KCNQ5: variants seen among roughly 807,000 people sequenced by gnomAD.
KCNQ5 encodes potassium voltage-gated channel subfamily Q member 5.
In KCNQ5, 30 loss-of-function variants were observed where a neutral mutation model predicts 98.2. The observed-to-expected ratio is 0.31, with a 90% CI of 0.23 to 0.41. The LOEUF is 0.41. Among genes scored for constraint, KCNQ5 ranks in the 10% least tolerant of loss-of-function variants. The pLI is 1.00. For missense variants in KCNQ5, 835 were observed against 1,182.5 expected (o/e 0.71, Z 4.31); for synonymous variants, 458 against 449.4 (o/e 1.02, Z -0.24).
At chr6:72,893,176 G>A (rs905546644) in intron 1 of KCNQ5, among the ~76,000 whole-genome samples, 2 of 152,190 alleles carry the variant, frequency 1.3e-5, no homozygotes, top group Non-Finnish European at 2.9e-5. Flanking sequence ...AGGACTGCTG[G>A]CAAGCAGTGT....
chr6:72,677,395 T>C (rs532180032), intron 1 of KCNQ5, among the ~76,000 whole-genome samples: 2 of 152,300 alleles, frequency 1.3e-5, no homozygotes, highest in Non-Finnish European at 2.9e-5. Context: ...AAATAACTTT[T>C]TGCCCCAGGG....
At chr6:73,029,463 G>A (rs1285998198) in intron 2 of KCNQ5, among the ~76,000 whole-genome samples, 1 of 150,286 alleles carries the variant, frequency 6.7e-6, no homozygotes, top group Non-Finnish European at 1.5e-5. Context: ...CTTGGAAATT[G>A]CCCAGGTAGT....
chr6:72,752,029 T>A (rs1771710378), intron 1 of KCNQ5, among the ~76,000 whole-genome samples: 1 of 152,118 alleles, frequency 6.6e-6, no homozygotes, highest in South Asian at 2.1e-4. Flanking sequence ...TGGTTTTTGC[T>A]ATACTACCAT....
At chr6:72,719,585 C>G (rs1769838660) in intron 1 of KCNQ5, among the ~76,000 whole-genome samples, 1 of 152,224 alleles carries the variant, frequency 6.6e-6, no homozygotes, top group African/African-American at 2.4e-5. Context: ...CATAGCCTTG[C>G]ACTTTTAAAG....
chr6:73,117,339 T>C (rs1775546872), intron 7 of KCNQ5, among the ~76,000 whole-genome samples: 1 of 152,178 alleles, frequency 6.6e-6, no homozygotes, highest in Non-Finnish European at 1.5e-5. Context: ...TACTGTTAAC[T>C]AATATCAGCC....
At chr6:73,045,010 GAAATA>G (rs918044285) in intron 3 of KCNQ5, among the ~76,000 whole-genome samples, 1 of 152,172 alleles carries the variant, frequency 6.6e-6, no homozygotes, top group African/African-American at 2.4e-5. Flanking sequence ...TTTCCAGTTG[GAAATA>G]CACTGAAGCT....
intron 1 of KCNQ5, among the ~76,000 whole-genome samples, chr6:72,647,780 C>T (rs1268534267): frequency 6.6e-6 from 1 of 152,178 alleles, no homozygotes; most frequent in Non-Finnish European, 1.5e-5. Flanking sequence ...ATGGGAATGA[C>T]TCCCCCATTA....
intron 10 of KCNQ5, among the ~76,000 whole-genome samples, chr6:73,146,435 G>C (rs1776926438): frequency 6.6e-6 from 1 of 151,998 alleles, no homozygotes; most frequent in Non-Finnish European, 1.5e-5. Flanking sequence ...GACTAGCCTA[G>C]GCAACATGGC....
At chr6:73,060,617 G>T (rs761509895) in intron 3 of KCNQ5, among the ~76,000 whole-genome samples, 11 of 152,042 alleles carry the variant, frequency 7.2e-5, no homozygotes, top group Non-Finnish European at 1.5e-4. Flanking sequence ...AAAGACAAAT[G>T]TGGAAAAATA....
At chr6:72,900,465 T>A (rs1779447002) in intron 1 of KCNQ5, among the ~76,000 whole-genome samples, 1 of 147,456 alleles carries the variant, frequency 6.8e-6, no homozygotes, top group South Asian at 2.1e-4. Context: ...ATGATTTATT[T>A]TATATATATT....
Position 72,725,411 on chromosome 6 carries a change from C to T in KCNQ5, c.398+102824C>T, listed in dbSNP as rs374830278. ...TTTAAAAGTAGTATATGTGGGAGGA[C>T]ATTTCTTGAAGAAGTGTAGTAGAAA... On this transcript the variant is annotated intron_variant, in intron 1 of 13. Coordinates refer to ENST00000370398, the MANE Select transcript of KCNQ5 (RefSeq NM_019842.4). Among the ~76,000 whole-genome samples the T allele has an allele frequency of 7.9e-5, 12 of 152,052 alleles. No individual in the cohort carries two copies. In the East Asian group the frequency reaches 1.2e-3, roughly 15 times the overall value.
At chr6:72,747,485 T>C (rs1056229212) in intron 1 of KCNQ5, among the ~76,000 whole-genome samples, 5 of 152,330 alleles carry the variant, frequency 3.3e-5, no homozygotes, top group African/African-American at 1.2e-4. Context: ...CTGCTAGTTT[T>C]AGTACCTTCT....
intron 1 of KCNQ5, among the ~76,000 whole-genome samples, chr6:72,975,786 C>T (rs952589707): frequency 6.6e-6 from 1 of 152,184 alleles, no homozygotes; most frequent in Admixed American, 6.5e-5. Flanking sequence ...CCCCACTCCA[C>T]GGCCCTGTAG....
chr6:73,195,011 C>T lies in KCNQ5; in HGVS notation c.2396C>T (p.Thr799Ile), dbSNP rs1765733032. 7.4e-6 allele frequency: 12 copies of T among 1,614,194 alleles called. No homozygotes were observed. Among genetic ancestry groups the T allele is most frequent in the Non-Finnish European group, 1.0e-5 (12 of 1,180,040 alleles). Residue 799 changes from threonine to isoleucine, a missense_variant, in exon 14 of 14, where the codon ACC (threonine) becomes ATC (isoleucine). This residue lies in a region of KCNQ5 where 416 missense variants were observed against 446.9 expected (regional missense o/e 0.93). Transcript: ENST00000370398. ...ENVQVAQSNL[T>I]KDRSMRKSFD... The stretch of plus-strand genomic sequence containing the variant: ...GTTCAGGTTGCACAGTCAAATCTCA[C>T]CAAGGACCGTTCTATGAGGAAAAGC...
intron 1 of KCNQ5, among the ~76,000 whole-genome samples, chr6:72,970,123 G>A (rs1035630305): frequency 6.6e-6 from 1 of 152,108 alleles, no homozygotes; most frequent in Non-Finnish European, 1.5e-5. Flanking sequence ...GCAGGGCATG[G>A]TGGTGTGCAC....
At chr6:72,691,568 A>C (rs758187266) in intron 1 of KCNQ5, among the ~76,000 whole-genome samples, 1 of 152,248 alleles carries the variant, frequency 6.6e-6, no homozygotes, top group African/African-American at 2.4e-5. Flanking sequence ...AAAGAGCTAA[A>C]TTGTAGAGAA....
At chr6:73,186,258 T>A (rs1322880859) in intron 11 of KCNQ5, among the ~76,000 whole-genome samples, 7 of 151,846 alleles carry the variant, frequency 4.6e-5, no homozygotes, top group Non-Finnish European at 8.8e-5. Flanking sequence ...AAAGACAGTC[T>A]ATGCTTTTAA....
At chr6:72,995,302 A>G (rs892346411) in intron 1 of KCNQ5, among the ~76,000 whole-genome samples, 5 of 150,430 alleles carry the variant, frequency 3.3e-5, no homozygotes, top group Non-Finnish European at 5.9e-5. Context: ...CAGGAGGTGG[A>G]CTTTGCAGTG....
At chr6:72,636,635 G>A (rs1565047253) in intron 1 of KCNQ5, among the ~76,000 whole-genome samples, 1 of 152,102 alleles carries the variant, frequency 6.6e-6, no homozygotes, top group Non-Finnish European at 1.5e-5. Flanking sequence ...TCAGCTTTCT[G>A]GTTTGTAAAA....
Sources: allele counts gnomAD v4.1 joint callset (sites outside exome capture counted in the v4.1 genomes callset), GRCh38; gene constraint gnomAD v4.1.1; regional missense constraint gnomAD v4.1.1; transcripts MANE v1.5; gene names NCBI Gene and HGNC (gene_info 2026-07-23, HGNC 2026-07-21).